ANO6: variants seen among roughly 807,000 people sequenced by gnomAD.
The protein encoded by ANO6 is anoctamin 6.
A neutral mutation model predicts 117.5 loss-of-function variants in ANO6; 106 were observed. The ratio of observed to expected loss-of-function variants is 0.90; its 90% CI spans 0.77 to 1.06. The LOEUF (loss-of-function observed/expected upper bound fraction) is 1.06, where lower values mean the gene tolerates loss of function less well. ANO6 is among the 50% of genes least tolerant of loss of function. ANO6 has a pLI of 0.00. For missense variants in ANO6, 955 were observed against 1,121.1 expected (o/e 0.85, Z 2.12); for synonymous variants, 367 against 385.1 (o/e 0.95, Z 0.55).
intron 1 of ANO6, among the ~76,000 whole-genome samples, chr12:45,257,118 A>G (rs991634745): frequency 3.0e-4 from 45 of 152,018 alleles, no homozygotes; most frequent in African/African-American, 9.9e-4. Flanking sequence ...TATAACTTCT[A>G]TTGCTCTCTT....
At chr12:45,343,561 C>T (rs1941041055) in intron 3 of ANO6, among the ~76,000 whole-genome samples, 1 of 152,162 alleles carries the variant, frequency 6.6e-6, no homozygotes, top group South Asian at 2.1e-4. Flanking sequence ...TGGTCTAACA[C>T]GTTTTCCCTA....
intron 1 of ANO6, among the ~76,000 whole-genome samples, chr12:45,233,325 T>C (rs1947601604): frequency 6.6e-6 from 1 of 152,200 alleles, no homozygotes; most frequent in Admixed American, 6.5e-5. Context: ...ATATGGAAGA[T>C]GCAAATTAAA....
intron 10 of ANO6, among the ~76,000 whole-genome samples, chr12:45,383,625 C>T (rs1942222846): frequency 1.3e-5 from 2 of 152,180 alleles, no homozygotes. Context: ...ATATTAATCT[C>T]TGTACATCTC....
At chr12:45,221,423 G>C (rs1457405466) in intron 1 of ANO6, among the ~76,000 whole-genome samples, 2 of 152,192 alleles carry the variant, frequency 1.3e-5, no homozygotes, top group Non-Finnish European at 2.9e-5. Flanking sequence ...GGCCGGAGGA[G>C]AGTCTGGAGT....
intron 1 of ANO6, among the ~76,000 whole-genome samples, chr12:45,264,548 TC>T (rs1187999509): frequency 1.3e-5 from 2 of 152,224 alleles, no homozygotes; most frequent in African/African-American, 2.4e-5. Flanking sequence ...TGGCAACCTG[TC>T]ATGGACCAAA....
At chr12:45,366,792 A>C (rs1941696379) in intron 8 of ANO6, among the ~76,000 whole-genome samples, 1 of 152,140 alleles carries the variant, frequency 6.6e-6, no homozygotes, top group South Asian at 2.1e-4. Context: ...CTCCCTATAA[A>C]TCTTAACATA....
intron 1 of ANO6, among the ~76,000 whole-genome samples, chr12:45,267,014 C>CT (rs1382351745): frequency 6.6e-6 from 1 of 152,066 alleles, no homozygotes; most frequent in East Asian, 1.9e-4. Context: ...ACATAGTGGG[C>CT]TTTTCACCTG....
Position 45,381,394 on chromosome 12 carries a change from T to C in ANO6, c.1165+3281T>C, listed in dbSNP as rs147070918. ...TGTGTTGCTCCCTGCTGAAGTTCTATCAGTTGTCTTATTGCAGGGGGAGAG... is the reference window on the plus strand; with the variant it reads ...TGTGTTGCTCCCTGCTGAAGTTCTACCAGTTGTCTTATTGCAGGGGGAGAG... On this transcript the variant is annotated intron_variant, in intron 10 of 19. Transcript: ENST00000320560. 2.6e-3 allele frequency among the ~76,000 whole-genome samples: 391 copies of C among 152,324 alleles called. 2 individuals are homozygous for C. The highest frequency in any genetic ancestry group is 8.9e-3 in the African/African-American group (370 of 41,576).
intron 9 of ANO6, among the ~76,000 whole-genome samples, chr12:45,369,516 T>C: frequency 6.6e-6 from 1 of 152,006 alleles, no homozygotes; most frequent in Non-Finnish European, 1.5e-5. Context: ...AAAAAAAAAA[T>C]TGAATCTTTA....
chr12:45,263,367 C>T (rs78511801), intron 1 of ANO6, among the ~76,000 whole-genome samples: 51 of 79,150 alleles, frequency 6.4e-4, no homozygotes, highest in South Asian at 2.4e-3. Flanking sequence ...CTGGCCTGGC[C>T]TTTTTTTTTT....
chr12:45,294,529 C>T (rs1180518764), intron 1 of ANO6, among the ~76,000 whole-genome samples: 2 of 152,092 alleles, frequency 1.3e-5, no homozygotes, highest in South Asian at 2.1e-4. Flanking sequence ...ATGGGAAAGA[C>T]AGAGAACTGT....
chr12:45,313,270 T>G (rs2137338102), intron 2 of ANO6: 1 of 152,102 alleles, frequency 6.6e-6, no homozygotes, highest in South Asian at 2.1e-4. Flanking sequence ...GAAACCCTGT[T>G]TTTCCATGCA....
At chr12:45,404,623 T>C (rs906364594) in intron 15 of ANO6, among the ~76,000 whole-genome samples, 5 of 152,114 alleles carry the variant, frequency 3.3e-5, no homozygotes, top group Non-Finnish European at 7.4e-5. Flanking sequence ...GCCAGCAAAG[T>C]TTCGTGTTTG....
At chr12:45,346,628 A>G (rs1190860887) in intron 3 of ANO6, among the ~76,000 whole-genome samples, 6 of 152,164 alleles carry the variant, frequency 3.9e-5, no homozygotes, top group Non-Finnish European at 8.8e-5. Context: ...AAAATCTGGA[A>G]TCTTCAACTC....
intron 1 of ANO6, among the ~76,000 whole-genome samples, chr12:45,235,409 G>A (rs1039958024): frequency 1.3e-5 from 2 of 152,164 alleles, no homozygotes; most frequent in African/African-American, 4.8e-5. Context: ...AATAAGAGAT[G>A]GGAGGCTTAA....
Position 45,329,602 on chromosome 12 carries a change from G to T in ANO6, c.151-1693G>T, listed in dbSNP as rs565417890. Among the ~76,000 whole-genome samples the T allele has an allele frequency of 1.8e-4, 27 of 152,166 alleles. 1 individual carries two copies. The South Asian group carries it at 3.1e-3, about 18-fold the overall frequency. On this transcript the variant is annotated intron_variant, in intron 2 of 19. Transcript: ENST00000320560. The stretch of plus-strand genomic sequence containing the variant: ...CCTAATTCTTCAGAACTTAACTTCC[G>T]TGAGCTCCTGCTGGACTCCACCAAA...
intron 12 of ANO6, among the ~76,000 whole-genome samples, chr12:45,394,276 T>A (rs545422399): frequency 1.3e-5 from 2 of 152,184 alleles, no homozygotes; most frequent in Admixed American, 1.3e-4. Context: ...GGTAAAGGGA[T>A]CAATTCAACA....
At chr12:45,357,213 A>C (rs536298054) in intron 7 of ANO6, 77 bp from the exon 8 acceptor site, 1 of 1,534,708 alleles carries the variant, frequency 6.5e-7, no homozygotes, top group South Asian at 1.1e-5. Flanking sequence ...CTTTATTTAA[A>C]ATCAGAAATT....
Position 45,402,998 on chromosome 12 carries a change from T to C in ANO6, c.1613-74T>C, listed in dbSNP as rs1592023152. 23 of 1,339,322 alleles carry C rather than the reference T, an allele frequency of 1.7e-5. No homozygotes were observed. In the South Asian group the frequency reaches 2.5e-4, roughly 14 times the overall value. 83.0% of individuals were successfully genotyped at this position (1,339,322 alleles called of 1,614,324 possible). ...AACGTGTTTAACGTGTTAACTCATGTATCAGTATTTTTTATTAGAGTCTCA... is the reference window on the plus strand; with the variant it reads ...AACGTGTTTAACGTGTTAACTCATGCATCAGTATTTTTTATTAGAGTCTCA... On this transcript the variant is annotated intron_variant, in intron 13 of 19. Coordinates refer to ENST00000320560, the MANE Select transcript of ANO6 (RefSeq NM_001025356.3).
Sources: allele counts gnomAD v4.1 joint callset (sites outside exome capture counted in the v4.1 genomes callset), GRCh38; gene constraint gnomAD v4.1.1; transcripts MANE v1.5; gene names NCBI Gene and HGNC (gene_info 2026-07-23, HGNC 2026-07-21).